The following SIN3A variants were observed in gnomAD, a reference collection of about 807,000 sequenced individuals.
SIN3A encodes SIN3 transcription regulator family member A, also known as paired amphipathic helix protein Sin3a.
SIN3A carries 14 observed loss-of-function variants against 146.1 expected under a neutral mutation model. The observed-to-expected ratio is 0.10, with a 90% confidence interval of 0.06 to 0.15. SIN3A has a LOEUF of 0.15. SIN3A is among the 10% of genes least tolerant of loss of function. The pLI is 1.00. For missense variants in SIN3A, 1,028 were observed against 1,576.0 expected (o/e 0.65, Z 5.89); for synonymous variants, 572 against 572.0 (o/e 1.00, Z 0.00).
intron 1 of SIN3A, chr15:75,443,652 T>G (rs958665132): frequency 6.6e-6 from 1 of 152,194 alleles, no homozygotes; most frequent in Non-Finnish European, 1.5e-5. Context: ...GAGGCGAAGG[T>G]TGCAGTGAAC....
intron 9 of SIN3A, among the ~76,000 whole-genome samples, chr15:75,402,894 C>T (rs2073437810): frequency 6.6e-6 from 1 of 152,054 alleles, no homozygotes; most frequent in Non-Finnish European, 1.5e-5. Flanking sequence ...CTTGGCCTCC[C>T]AAAGTGCTGG....
chr15:75,399,420 C>G (rs779247223), intron 12 of SIN3A, among the ~76,000 whole-genome samples: 1 of 151,870 alleles, frequency 6.6e-6, no homozygotes, highest in Non-Finnish European at 1.5e-5. Flanking sequence ...CCCAGCTACT[C>G]GGGAGGCTGA....
At chr15:75,399,996 C>T (rs759636858) in intron 12 of SIN3A, 44 bp downstream of exon 12, 3 of 1,038,014 alleles carry the variant, frequency 2.9e-6, no homozygotes, top group East Asian at 2.4e-5. Flanking sequence ...TCTCACTGAG[C>T]ATCTCCCATT....
At position 75,430,181 on chromosome 15, in the gene SIN3A, G is replaced by C. The variant is rs1258104118; in HGVS notation, c.189+6C>G. ...CATTCTAGTCCCTTGGTTGGCTCCAGCTTACCTGGTAGCTGGGTGTTACAG... is the reference window on the plus strand; with the variant it reads ...CATTCTAGTCCCTTGGTTGGCTCCACCTTACCTGGTAGCTGGGTGTTACAG... On this transcript the variant is annotated splice_donor_region_variant and intron_variant, in intron 2 of 20. Coordinates refer to ENST00000394947, the MANE Select transcript of SIN3A (RefSeq NM_001145358.2). The C allele has an allele frequency of 8.7e-6, 14 of 1,612,112 alleles. No homozygotes were observed. Among genetic ancestry groups the C allele is most frequent in the Non-Finnish European group, 1.1e-5 (13 of 1,178,258 alleles).
intron 13 of SIN3A, among the ~76,000 whole-genome samples, chr15:75,395,342 A>G (rs1466823240): frequency 6.6e-6 from 1 of 152,184 alleles, no homozygotes; most frequent in Non-Finnish European, 1.5e-5. Context: ...AAAAAGCACT[A>G]AAACTGAAGA....
chr15:75,442,617 TAAAAAA>T (rs374599694), intron 1 of SIN3A, among the ~76,000 whole-genome samples: 2 of 123,114 alleles, frequency 1.6e-5, no homozygotes, highest in Non-Finnish European at 3.3e-5. Context: ...ATCCCATCTT[TAAAAAA>T]AAAAAAAAAA....
At chr15:75,413,147 CTG>C in intron 4 of SIN3A, 102 bp from the exon 5 acceptor site, 1 of 1,166,994 alleles carries the variant, frequency 8.6e-7, no homozygotes, top group Non-Finnish European at 1.2e-6. Context: ...GAGTCTCACT[CTG>C]TTGCCCAGGC....
intron 1 of SIN3A, among the ~76,000 whole-genome samples, chr15:75,444,205 C>T (rs2074265470): frequency 6.6e-6 from 1 of 152,118 alleles, no homozygotes; most frequent in Non-Finnish European, 1.5e-5. Flanking sequence ...TGACTCATGC[C>T]TGTAATCGCA....
Position 75,409,903 on chromosome 15 carries a change from G to C in SIN3A, c.1250C>G (p.Pro417Arg), listed in dbSNP as rs376704049. ...TVKKPQLNNK[P>R]QRPSQNGCQI... ...GCAGCCATTCTGGCTGGGCCTCTGC[G>C]GCTTGTTGTTCAGTTGGGGCTTCTT... is the stretch of plus-strand genomic sequence containing the variant. Residue 417 changes from proline to arginine, a missense_variant, in exon 8 of 21, where the codon CCG becomes CGG. Pro to Arg is a moderately radical substitution (Grantham distance 103). Around this residue, in one of 9 missense-constraint regions of SIN3A, gnomAD observed 62 missense variants for 63.5 expected, o/e 0.98. Coordinates refer to ENST00000394947, the MANE Select transcript of SIN3A (RefSeq NM_001145358.2). The C allele has an allele frequency of 1.9e-6, 3 of 1,613,914 alleles. No individual in the cohort carries two copies. The Admixed American group carries it at 5.0e-5, about 27-fold the overall frequency.
rs1037509669 is a variant in SIN3A at position 75,389,880 on chromosome 15, G to A, written c.2852-59C>T. The A allele has an allele frequency of 5.2e-6, 8 of 1,542,930 alleles. No individual in the cohort carries two copies. In the Admixed American group the frequency reaches 1.1e-4, roughly 20 times the overall value. ...TTGCTAAGAAAAGACTAGGGATAGA[G>A]TACAGGGCAAATCCCACAGCTGGCC... On this transcript the variant is annotated intron_variant, in intron 15 of 20. Transcript: ENST00000394947.
Position 75,410,007 on chromosome 15 carries a change from G to T in SIN3A, c.1162-16C>A, listed in dbSNP as rs2073600667. On this transcript the variant is annotated splice_polypyrimidine_tract_variant and intron_variant, in intron 7 of 20. Coordinates refer to ENST00000394947, the MANE Select transcript of SIN3A (RefSeq NM_001145358.2). Reference sequence around the variant, plus strand: ...TGCTTAAAAGCTGATTAAGACACATGAATGAGATTAATGCTCTTATCAAAG... The same window carrying T: ...TGCTTAAAAGCTGATTAAGACACATTAATGAGATTAATGCTCTTATCAAAG... 1 of 1,613,602 alleles carries T rather than the reference G, an allele frequency of 6.2e-7. No individual in the cohort carries two copies. The highest frequency in any genetic ancestry group is 1.3e-5 in the African/African-American group (1 of 75,004).
At chr15:75,412,623 T>G (rs2073661533) in intron 5 of SIN3A, 140 bp downstream of exon 5, 2 of 857,250 alleles carry the variant, frequency 2.3e-6, no homozygotes, top group East Asian at 5.6e-5. Context: ...CATAGTGAAG[T>G]TTTCATACAG....
chr15:75,404,828 T>G (rs1398847093), intron 9 of SIN3A, among the ~76,000 whole-genome samples: 6 of 151,988 alleles, frequency 3.9e-5, no homozygotes, highest in Non-Finnish European at 8.8e-5. Flanking sequence ...AGAAATTAAC[T>G]TATTTTCAGA....
intron 9 of SIN3A, among the ~76,000 whole-genome samples, chr15:75,403,057 C>A (rs2073440639): frequency 6.6e-6 from 1 of 152,166 alleles, no homozygotes; most frequent in African/African-American, 2.4e-5. Flanking sequence ...AAGTAACTGG[C>A]TAGAATTGGG....
At chr15:75,395,378 G>C (rs553430178) in intron 13 of SIN3A, among the ~76,000 whole-genome samples, 1 of 152,276 alleles carries the variant, frequency 6.6e-6, no homozygotes, top group Non-Finnish European at 1.5e-5. Flanking sequence ...AAAGCCAGAA[G>C]TTAAATGCTA....
intron 6 of SIN3A, among the ~76,000 whole-genome samples, chr15:75,410,677 T>A (rs2073618069): frequency 6.6e-6 from 1 of 152,116 alleles, no homozygotes; most frequent in South Asian, 2.1e-4. Flanking sequence ...CCTCCTACTG[T>A]ACATTAACTA....
At chr15:75,374,265 G>A (rs775461031) in intron 20 of SIN3A, among the ~76,000 whole-genome samples, 63 of 152,180 alleles carry the variant, frequency 4.1e-4, no homozygotes, top group Admixed American at 1.3e-4. Flanking sequence ...GGAGGCTGAG[G>A]AGGGTGGATC....
In SIN3A at chr15:75,407,060, C is replaced by CA; in HGVS notation, c.1401dup (p.Asp468Ter). 1 of 1,605,088 alleles carries CA rather than the reference C, an allele frequency of 6.2e-7. No individual in the cohort carries two copies. Among genetic ancestry groups the CA allele is most frequent in the Non-Finnish European group, 8.5e-7 (1 of 1,173,214 alleles). On this transcript the variant is annotated frameshift_variant, in exon 9 of 21. Coordinates refer to ENST00000394947, the MANE Select transcript of SIN3A (RefSeq NM_001145358.2). LOFTEE classifies it high-confidence loss of function. ...CTAACTCATCCATTACTCACCTTAT[C>CA]AAAAAATAACGATTCTGTTCCACCA...
At position 75,371,017 on chromosome 15, in the gene SIN3A, A is replaced by G. The variant is rs967555112; in HGVS notation, c.*962T>C. 2 of 152,536 alleles carry G rather than the reference A, an allele frequency of 1.3e-5. No individual in the cohort carries two copies. The highest frequency in any genetic ancestry group is 4.8e-5 in the African/African-American group (2 of 41,418). The allele number at this position is 152,536 out of a possible 1,614,324, so 9.4% of individuals were successfully genotyped here. On this transcript the variant is annotated 3_prime_UTR_variant, in exon 21 of 21. Transcript: ENST00000394947. ...AAGGGGAAGACAAGTTTTACACAAA[A>G]GTACTACAATGGTAACTCCCTTTGG...
Sources: gnomAD v4.1 joint callset for allele counts (sites outside exome capture counted in the v4.1 genomes callset) on GRCh38, gnomAD v4.1.1 for gene constraint, gnomAD v4.1.1 regional missense constraint, MANE v1.5 for transcripts, NCBI Gene and HGNC (gene_info 2026-07-23, HGNC 2026-07-21) for gene names.